PTPRE: variants seen among roughly 807,000 people sequenced by gnomAD.
The protein encoded by PTPRE is receptor-type tyrosine-protein phosphatase epsilon.
A neutral mutation model predicts 102.0 loss-of-function variants in PTPRE; 51 were observed. The observed-to-expected ratio is 0.50, with a 90% CI of 0.40 to 0.63. The LOEUF (loss-of-function observed/expected upper bound fraction) is 0.63. Ranked by LOEUF, PTPRE falls within the 30% of genes least tolerant of loss-of-function variation. The pLI is 0.00. For synonymous variants in PTPRE, 345 were observed against 348.2 expected, an observed-to-expected ratio of 0.99 and a Z score of 0.10; for missense variants, 752 against 915.1, an observed-to-expected ratio of 0.82 and a Z score of 2.30.
intron 1 of PTPRE, among the ~76,000 whole-genome samples, chr10:127,947,020 CAAAA>C (rs59527787): frequency 1.2e-5 from 1 of 82,480 alleles, no homozygotes; most frequent in Non-Finnish European, 2.6e-5. Context: ...GACCCTGTCT[CAAAA>C]AAAAAAAAAA....
chr10:128,068,309 C>A (rs556218896), intron 12 of PTPRE, 23 bp downstream of exon 12: 4 of 1,599,418 alleles, frequency 2.5e-6, no homozygotes, highest in East Asian at 2.2e-5. Context: ...GGCCACGGGG[C>A]GGGACCCTCA....
chr10:128,060,292 C>T (rs1849457598), intron 7 of PTPRE, among the ~76,000 whole-genome samples: 1 of 152,022 alleles, frequency 6.6e-6, no homozygotes, highest in African/African-American at 2.4e-5. Context: ...ACTACACACA[C>T]ACCCCACACA....
intron 1 of PTPRE, among the ~76,000 whole-genome samples, chr10:127,969,872 G>A (rs1850581202): frequency 6.6e-6 from 1 of 152,064 alleles, no homozygotes; most frequent in Non-Finnish European, 1.5e-5. Flanking sequence ...TGTTGGTTCT[G>A]GAGCATCCGT....
intron 1 of PTPRE, among the ~76,000 whole-genome samples, chr10:127,962,671 G>A (rs1391574553): frequency 6.6e-6 from 1 of 152,240 alleles, no homozygotes; most frequent in Non-Finnish European, 1.5e-5. Flanking sequence ...CCTCAGCGGG[G>A]CGGCTGTGCC....
intron 2 of PTPRE, among the ~76,000 whole-genome samples, chr10:127,991,077 C>T (rs1029860694): frequency 3.3e-5 from 5 of 152,172 alleles, no homozygotes; most frequent in Admixed American, 2.6e-4. Context: ...CACTTCATCT[C>T]GTCAGAAACC....
rs1399597681 is a variant in PTPRE, at chr10:128,084,934, CAAG to C, written c.*2032_*2034del. On this transcript the variant is annotated 3_prime_UTR_variant, in exon 21 of 21. Coordinates refer to ENST00000254667, the MANE Select transcript of PTPRE (RefSeq NM_006504.6). ...ATGGTCTAACTGGCATCTCTTGTAT[CAAG>C]AAGTACCTTTAAGGTAGACCTTTTC... 2 of 287,954 alleles carry C rather than the reference CAAG, an allele frequency of 6.9e-6. No individual in the cohort carries two copies. Among genetic ancestry groups the C allele is most frequent in the Non-Finnish European group, 1.4e-5 (2 of 138,666 alleles). 17.8% of individuals were successfully genotyped at this position (287,954 alleles called of 1,614,324 possible). A position where few individuals can be genotyped will look rare whatever the true frequency, so the allele number is the denominator to read the frequency against.
chr10:127,962,454 G>T (rs910539058), intron 1 of PTPRE, among the ~76,000 whole-genome samples: 2 of 152,208 alleles, frequency 1.3e-5, no homozygotes, highest in African/African-American at 4.8e-5. Flanking sequence ...CTGTGCACCC[G>T]CAGCTGCTCC....
At chr10:128,011,109 TG>T in intron 2 of PTPRE, among the ~76,000 whole-genome samples, 1 of 152,284 alleles carries the variant, frequency 6.6e-6, no homozygotes, top group South Asian at 2.1e-4. Context: ...TTCCTGAACA[TG>T]GCATGCGGTT....
chr10:127,907,225 GC>G lies in PTPRE; in HGVS notation c.-111del. 1 of 983,014 alleles carries G rather than the reference GC, an allele frequency of 1.0e-6. No individual in the cohort carries two copies. Among genetic ancestry groups the G allele is most frequent in the Non-Finnish European group, 1.2e-6 (1 of 828,314 alleles). The allele number at this position is 983,014 out of a possible 1,614,324, so 60.9% of individuals were successfully genotyped here. ...TCGCGCCCGGCGAAGACAGCCGGGC[GC>G]CCCGGAGGGCGGCGGGCAGGCGCCC... is the stretch of plus-strand genomic sequence containing the variant. On this transcript the variant is annotated 5_prime_UTR_variant, in exon 1 of 21. Transcript: ENST00000254667. The surrounding 1 kb of genome is among the most constrained non-coding windows in gnomAD (Gnocchi z 4.8).
chr10:128,043,937 T>C (rs1416492047), intron 3 of PTPRE, among the ~76,000 whole-genome samples: 1 of 152,194 alleles, frequency 6.6e-6, no homozygotes, highest in East Asian at 1.9e-4. Flanking sequence ...GGGACGTGTC[T>C]TAAAATTGGT....
At chr10:127,912,197 C>T (rs1845913059) in intron 1 of PTPRE, among the ~76,000 whole-genome samples, 2 of 152,110 alleles carry the variant, frequency 1.3e-5, no homozygotes, top group South Asian at 2.1e-4. Flanking sequence ...TTAACAACAC[C>T]CTGCTCACAG....
At chr10:127,974,811 C>T (rs995288154) in intron 1 of PTPRE, among the ~76,000 whole-genome samples, 1 of 152,140 alleles carries the variant, frequency 6.6e-6, no homozygotes, top group African/African-American at 2.4e-5. Context: ...TCAGAAATCA[C>T]CAAATTAGCC....
At chr10:128,037,069 A>T (rs1402674660) in intron 2 of PTPRE, among the ~76,000 whole-genome samples, 1 of 152,216 alleles carries the variant, frequency 6.6e-6, no homozygotes. Context: ...GATTTCTTCC[A>T]TCTGGAGTTG....
chr10:128,077,833 C>A, intron 19 of PTPRE, 50 bp downstream of exon 19: 2 of 1,538,690 alleles, frequency 1.3e-6, no homozygotes, highest in East Asian at 2.3e-5. Flanking sequence ...CAGGCTGCAC[C>A]CCCCCAGTAC....
intron 1 of PTPRE, among the ~76,000 whole-genome samples, chr10:127,930,214 C>T (rs574513675): frequency 1.1e-4 from 16 of 152,104 alleles, no homozygotes; most frequent in South Asian, 2.1e-4. Flanking sequence ...GTAACACTAT[C>T]GAGACATGCA....
intron 2 of PTPRE, among the ~76,000 whole-genome samples, chr10:127,988,666 G>A (rs1161054470): frequency 6.6e-6 from 1 of 152,082 alleles, no homozygotes; most frequent in Middle Eastern, 3.2e-3. Context: ...ACAGATGCGG[G>A]GAACTCCAAA....
chr10:127,915,200 A>C (rs1846123877), intron 1 of PTPRE, among the ~76,000 whole-genome samples: 1 of 152,252 alleles, frequency 6.6e-6, no homozygotes, highest in South Asian at 2.1e-4. Flanking sequence ...TGCACTAGGA[A>C]GTCTACTTAT....
rs184604164 is a variant in PTPRE, at chr10:128,076,998, A to C, written c.1725+270A>C. The stretch of plus-strand genomic sequence containing the variant: ...GAGGAAGAACAAAGGGGACTAATGA[A>C]GCCACAGGGGCCTCTCTGGGGCCCT... On this transcript the variant is annotated intron_variant, in intron 18 of 20. Transcript: ENST00000254667. Among the ~76,000 whole-genome samples, 837 of 152,288 alleles carry C rather than the reference A, an allele frequency of 5.5e-3. 7 individuals are homozygous for C. Among genetic ancestry groups the C allele is most frequent in the African/African-American group, 0.019 (791 of 41,548 alleles).
intron 1 of PTPRE, among the ~76,000 whole-genome samples, chr10:127,937,684 C>A (rs567348700): frequency 4.0e-4 from 60 of 151,490 alleles, no homozygotes; most frequent in Admixed American, 7.2e-4. Context: ...CATGGTGAAA[C>A]CCCATCTCTA....
Sources: allele counts gnomAD v4.1 joint callset (sites outside exome capture counted in the v4.1 genomes callset), GRCh38; gene constraint gnomAD v4.1.1; non-coding constraint Gnocchi (gnomAD v3.1); transcripts MANE v1.5; gene names NCBI Gene and HGNC (gene_info 2026-07-23, HGNC 2026-07-21).